The following ALDH1L1 variants were observed in gnomAD, a reference collection of about 807,000 sequenced individuals.
The protein encoded by ALDH1L1 is cytosolic 10-formyltetrahydrofolate dehydrogenase.
A neutral mutation model predicts 101.1 loss-of-function variants in ALDH1L1; 68 were observed. That is an observed-to-expected ratio of 0.67 (90% confidence interval 0.55 to 0.82). ALDH1L1 has a LOEUF of 0.82. Ranked by LOEUF, ALDH1L1 falls within the 40% of genes least tolerant of loss-of-function variation. The pLI is 0.00. For synonymous variants in ALDH1L1, 486 were observed against 470.8 expected (o/e 1.03, Z -0.42); for missense variants, 1,087 against 1,172.7 (o/e 0.93, Z 1.07).
intron 12 of ALDH1L1, among the ~76,000 whole-genome samples, chr3:126,132,360 C>T (rs144175279): frequency 1.4e-4 from 21 of 152,218 alleles, no homozygotes; most frequent in Non-Finnish European, 2.6e-4. Context: ...AGGCCTGCTC[C>T]GGTCCTCACC....
Position 126,171,021 on chromosome 3 carries a change from G to T in ALDH1L1, c.-24+9455C>A, listed in dbSNP as rs1021692287. Among the ~76,000 whole-genome samples, 3 of 152,308 alleles carry T rather than the reference G, an allele frequency of 2.0e-5. No homozygotes were observed. The South Asian group carries it at 6.2e-4, about 32-fold the overall frequency. On this transcript the variant is annotated intron_variant, in intron 1 of 22. Transcript: ENST00000393434. ...GAAAGCTAAAAGCAGACTCTTGGCT[G>T]GGCGCGGTGGCTCATGCCTGTAATC...
At chr3:126,150,647 C>G (rs1387308255) in intron 7 of ALDH1L1, 116 bp from the exon 8 acceptor site, 2 of 1,253,184 alleles carry the variant, frequency 1.6e-6, no homozygotes, top group Non-Finnish European at 2.1e-6. Context: ...CTCCGCCTCC[C>G]GGGTTGAAGC....
At chr3:126,121,252 G>T (rs2080074127) in intron 16 of ALDH1L1, among the ~76,000 whole-genome samples, 1 of 152,222 alleles carries the variant, frequency 6.6e-6, no homozygotes, top group South Asian at 2.1e-4. Flanking sequence ...CAGACTCGTA[G>T]CCTCCAGAGC....
intron 1 of ALDH1L1, 109 bp from the exon 2 acceptor site, chr3:126,161,111 C>A (rs901375674): frequency 1.7e-5 from 22 of 1,303,608 alleles, no homozygotes; most frequent in Non-Finnish European, 2.1e-5. Context: ...TACCCCAGTC[C>A]CCTCTGTGGC....
At chr3:126,168,383 A>G (rs1273754918) in intron 1 of ALDH1L1, among the ~76,000 whole-genome samples, 1 of 152,138 alleles carries the variant, frequency 6.6e-6, no homozygotes, top group Non-Finnish European at 1.5e-5. Flanking sequence ...AAAATTATCT[A>G]TAAGGTTTCA....
chr3:126,106,549 C>T (rs1315423555), intron 21 of ALDH1L1, among the ~76,000 whole-genome samples: 1 of 152,080 alleles, frequency 6.6e-6, no homozygotes, highest in Non-Finnish European at 1.5e-5. Context: ...ATCAACAGGC[C>T]GTGGTGGAAG....
chr3:126,132,173 C>G (rs2080323938), intron 12 of ALDH1L1, among the ~76,000 whole-genome samples: 1 of 152,238 alleles, frequency 6.6e-6, no homozygotes, highest in African/African-American at 2.4e-5. Flanking sequence ...GAGGGTGCCC[C>G]TCTCATCCCC....
chr3:126,109,857 G>A (rs939625318), intron 20 of ALDH1L1, 87 bp downstream of exon 20: 20 of 1,548,538 alleles, frequency 1.3e-5, no homozygotes, highest in Middle Eastern at 2.3e-4. Context: ...GCCTTCAGAT[G>A]TCTCCAGTTC....
intron 14 of ALDH1L1, among the ~76,000 whole-genome samples, chr3:126,128,199 A>G (rs1477780130): frequency 2.0e-5 from 3 of 152,174 alleles, no homozygotes; most frequent in Admixed American, 1.3e-4. Flanking sequence ...CATGGTCTCT[A>G]GTAAATTTCC....
Position 126,131,513 on chromosome 3 carries a change from C to T in ALDH1L1, c.1494G>A (p.Gln498=). 2 of 1,610,430 alleles carry T rather than the reference C, an allele frequency of 1.2e-6. No individual in the cohort carries two copies. Among genetic ancestry groups the T allele is most frequent in the South Asian group, 1.1e-5 (1 of 90,892 alleles). Residue 498 remains glutamine, a synonymous_variant, in exon 13 of 23, where the codon CAG becomes CAA. Coordinates refer to ENST00000393434, the MANE Select transcript of ALDH1L1 (RefSeq NM_012190.4). ...CAATGGTGGCCAGCTCCTCCTGGTG[C>T]TGCTCCATGAGATCTGCCAACCTGA... ...LMYRLADLME[Q]HQEELATIEA...
At chr3:126,196,050 A>G (rs2108356787) in intron 1 of ALDH1L1, among the ~76,000 whole-genome samples, 1 of 152,280 alleles carries the variant, frequency 6.6e-6, no homozygotes, top group Middle Eastern at 3.4e-3. Context: ...AACATGGCAC[A>G]TGTATACATA....
At chr3:126,185,158 A>G (rs2081506712), upstream of ALDH1L1, among the ~76,000 whole-genome samples, 1 of 152,212 alleles carries the variant, frequency 6.6e-6, no homozygotes, top group Admixed American at 6.5e-5. Context: ...ACCTGCAGAC[A>G]TAGATGGAAT....
At chr3:126,174,865 A>G (rs2108332393) in intron 1 of ALDH1L1, among the ~76,000 whole-genome samples, 1 of 152,222 alleles carries the variant, frequency 6.6e-6, no homozygotes, top group South Asian at 2.1e-4. Flanking sequence ...TAAATCCAAA[A>G]TAAACAGAAG....
At chr3:126,110,553 A>G (rs2108179738) in intron 19 of ALDH1L1, among the ~76,000 whole-genome samples, 1 of 152,212 alleles carries the variant, frequency 6.6e-6, no homozygotes, top group Non-Finnish European at 1.5e-5. Flanking sequence ...CTGGTGCCAA[A>G]GTGGGAAAGA....
rs532010003 is a variant in ALDH1L1 at position 126,165,233 on chromosome 3, T to C, written c.-23-4231A>G. On this transcript the variant is annotated intron_variant, in intron 1 of 22. Coordinates refer to ENST00000393434, the MANE Select transcript of ALDH1L1 (RefSeq NM_012190.4). ...ATGTGGTGAATCACATTTATTGATTTGTGTATGTTAAACCAGCCTTGCATC... is the reference window on the plus strand; with the variant it reads ...ATGTGGTGAATCACATTTATTGATTCGTGTATGTTAAACCAGCCTTGCATC... 4.6e-5 allele frequency among the ~76,000 whole-genome samples: 7 copies of C among 152,314 alleles called. No individual in the cohort carries two copies. The East Asian group carries it at 1.3e-3, about 29-fold the overall frequency.
Position 126,114,961 on chromosome 3 carries a change from C to T in ALDH1L1, c.1983-305G>A, listed in dbSNP as rs75283795. The T allele has an allele frequency of 2.2e-3, 1,090 of 485,906 alleles. 8 individuals carry two copies. The highest frequency in any genetic ancestry group is 0.018 in the African/African-American group (936 of 51,310). The allele number at this position is 485,906 out of a possible 1,614,324, so 30.1% of individuals were successfully genotyped here. A position where few individuals can be genotyped will look rare whatever the true frequency, so the allele number is the denominator to read the frequency against. ...CTCTGGGGTGCCTCCCTGATCGCCC[C>T]GTATAAAACCACAGCCTGCCTGTGC... is the stretch of plus-strand genomic sequence containing the variant. On this transcript the variant is annotated intron_variant, in intron 17 of 22. Coordinates refer to ENST00000393434, the MANE Select transcript of ALDH1L1 (RefSeq NM_012190.4).
In ALDH1L1 at chr3:126,157,478, C is replaced by A. The variant is rs149253309; in HGVS notation, c.393G>T (p.Gly131=). ...CATCATCCGCCCAGAAGATGGAAAA[C>A]CCCCCTTTCTTATCTCCGTGAATGA... ...WTLIHGDKKG[G]FSIFWADDGL... The change falls in exon 4 of 23, where the codon GGG becomes GGT. Residue 131 remains glycine (G), a synonymous_variant. Coordinates refer to ENST00000393434, the MANE Select transcript of ALDH1L1 (RefSeq NM_012190.4). The A allele has an allele frequency of 3.4e-5, 55 of 1,613,988 alleles. No individual in the cohort carries two copies. Among genetic ancestry groups the A allele is most frequent in the Non-Finnish European group, 4.6e-5 (54 of 1,179,992 alleles).
chr3:126,149,828 C>T lies in ALDH1L1; in HGVS notation c.984+578G>A, dbSNP rs185299080. Among the ~76,000 whole-genome samples the T allele has an allele frequency of 2.1e-3, 315 of 152,326 alleles. 1 individual carries two copies. The highest frequency in any genetic ancestry group is 7.2e-3 in the African/African-American group (299 of 41,580). On this transcript the variant is annotated intron_variant, in intron 8 of 22. Transcript: ENST00000393434. ...TCCTTCTCTCTTGAAGGTCTTCCCC[C>T]AGATCTCTTCTCTCCACCCAGGGAA...
At chr3:126,180,224 C>G (rs4646696) in intron 1 of ALDH1L1, 41,797 of 167,436 alleles carry the variant, frequency 0.25, 6,390 homozygotes, top group African/African-American at 0.45. Flanking sequence ...AGATCCTCGG[C>G]GGGCCAGTCC....
Sources: allele counts gnomAD v4.1 joint callset (sites outside exome capture counted in the v4.1 genomes callset), GRCh38; gene constraint gnomAD v4.1.1; transcripts MANE v1.5; gene names NCBI Gene and HGNC (gene_info 2026-07-23, HGNC 2026-07-21).